The following CSNK1G3 variants were observed in gnomAD, a reference collection of about 807,000 sequenced individuals.
CSNK1G3 encodes the protein casein kinase I isoform gamma-3.
Under a neutral mutation model 64.3 loss-of-function variants are expected in CSNK1G3, and 23 were observed. The observed-to-expected ratio is 0.36, with a 90% CI of 0.26 to 0.51. CSNK1G3 has a LOEUF of 0.51. Ranked by LOEUF, CSNK1G3 falls within the 20% of genes least tolerant of loss-of-function variation. CSNK1G3 has a pLI of 0.96. For missense variants in CSNK1G3, 357 were observed against 510.5 expected (o/e 0.70, Z 2.90); for synonymous variants, 158 against 162.2 (o/e 0.97, Z 0.20).
intron 6 of CSNK1G3, among the ~76,000 whole-genome samples, chr5:123,576,957 C>A (rs527739157): frequency 1.3e-5 from 2 of 152,026 alleles, no homozygotes; most frequent in Admixed American, 1.3e-4. Flanking sequence ...AGAAGCTTTA[C>A]CTTCTCCCCC....
At chr5:123,545,743 G>A (rs1782419659) in exon 2 of CSNK1G3, 4 of 1,613,548 alleles carry the variant, frequency 2.5e-6, no homozygotes, top group South Asian at 1.1e-5. Flanking sequence ...CACAACACTC[G>A]AGGAACTGGG....
At chr5:123,578,699 T>C (rs1210664731) in intron 6 of CSNK1G3, among the ~76,000 whole-genome samples, 1 of 151,958 alleles carries the variant, frequency 6.6e-6, no homozygotes, top group African/African-American at 2.4e-5. Context: ...GGTAAACAAA[T>C]CTTTACCTTC....
At chr5:123,609,356 A>G (rs547521991) in intron 12 of CSNK1G3, among the ~76,000 whole-genome samples, 1 of 152,306 alleles carries the variant, frequency 6.6e-6, no homozygotes, top group South Asian at 2.1e-4. Flanking sequence ...AAAAATATAA[A>G]TTAAGTTTTC....
intron 12 of CSNK1G3, among the ~76,000 whole-genome samples, chr5:123,610,953 A>G (rs1327382593): frequency 2.6e-5 from 4 of 152,232 alleles, no homozygotes; most frequent in Non-Finnish European, 5.9e-5. Flanking sequence ...GTCCTTTATG[A>G]AGCTTAAATT....
intron 6 of CSNK1G3, among the ~76,000 whole-genome samples, chr5:123,577,231 G>A (rs1040059857): frequency 6.6e-6 from 1 of 151,910 alleles, no homozygotes; most frequent in African/African-American, 2.4e-5. Flanking sequence ...TTTTCTCCAA[G>A]AAGTTCTGAA....
At chr5:123,597,305 A>G (rs1053783302) in intron 10 of CSNK1G3, among the ~76,000 whole-genome samples, 2 of 152,146 alleles carry the variant, frequency 1.3e-5, no homozygotes, top group African/African-American at 2.4e-5. Context: ...TTAAAAAATT[A>G]TTCTTAATAA....
intron 12 of CSNK1G3, among the ~76,000 whole-genome samples, chr5:123,611,452 T>C (rs1374427770): frequency 1.3e-5 from 2 of 152,178 alleles, no homozygotes; most frequent in Non-Finnish European, 2.9e-5. Context: ...TCTTATTTAG[T>C]CTCAAATAAA....
chr5:123,571,673 T>C (rs976321231), intron 4 of CSNK1G3, among the ~76,000 whole-genome samples: 1 of 152,252 alleles, frequency 6.6e-6, no homozygotes, highest in Middle Eastern at 3.4e-3. Context: ...ATATTCAAAA[T>C]AATAGGGTAA....
chr5:123,592,653 G>A (rs1444991955), intron 10 of CSNK1G3, among the ~76,000 whole-genome samples: 4 of 151,502 alleles, frequency 2.6e-5, no homozygotes, highest in Non-Finnish European at 5.9e-5. Context: ...ATTAAAACAG[G>A]ATGACAATCA....
chr5:123,589,505 C>A (rs1165310564), intron 8 of CSNK1G3, among the ~76,000 whole-genome samples: 1 of 152,048 alleles, frequency 6.6e-6, no homozygotes, highest in African/African-American at 2.4e-5. Flanking sequence ...GAGTCACCAC[C>A]TAAAGAAGGT....
chr5:123,516,204 G>T (rs1777139831), intron 1 of CSNK1G3, among the ~76,000 whole-genome samples: 1 of 152,098 alleles, frequency 6.6e-6, no homozygotes, highest in African/African-American at 2.4e-5. Context: ...GGATCCTGTA[G>T]GTGCAGACAG....
At chr5:123,557,365 A>G in intron 3 of CSNK1G3, 130 bp from the exon 4 acceptor site, 1 of 639,908 alleles carries the variant, frequency 1.6e-6, no homozygotes, top group Non-Finnish European at 2.8e-6. Context: ...TATGAATCTA[A>G]TCTTAGACAA....
chr5:123,577,198 T>G (rs946907979), intron 6 of CSNK1G3, among the ~76,000 whole-genome samples: 1 of 152,070 alleles, frequency 6.6e-6, no homozygotes. Flanking sequence ...GTAGTTTCTC[T>G]TCTGCAGCCC....
chr5:123,595,725 G>A (rs927243739), intron 10 of CSNK1G3, among the ~76,000 whole-genome samples: 1 of 151,932 alleles, frequency 6.6e-6, no homozygotes, highest in East Asian at 1.9e-4. Flanking sequence ...TAAATTCAAA[G>A]CAGTCCCTTA....
intron 5 of CSNK1G3, among the ~76,000 whole-genome samples, chr5:123,574,254 T>C (rs973908394): frequency 8.5e-5 from 13 of 152,166 alleles, no homozygotes; most frequent in Non-Finnish European, 1.6e-4. Context: ...AGGGAATCCG[T>C]TGGATAACAA....
At chr5:123,558,633 A>G (rs930902836) in intron 4 of CSNK1G3, among the ~76,000 whole-genome samples, 1 of 152,178 alleles carries the variant, frequency 6.6e-6, no homozygotes, top group African/African-American at 2.4e-5. Context: ...TGTAGGGGCA[A>G]TAAGTTTTAA....
chr5:123,584,702 A>T (rs1425049601), intron 6 of CSNK1G3, among the ~76,000 whole-genome samples: 1 of 152,158 alleles, frequency 6.6e-6, no homozygotes, highest in Non-Finnish European at 1.5e-5. Context: ...TTCAGTAGCG[A>T]TGCTATCTGG....
chr5:123,603,150 T>G (rs557074995), intron 10 of CSNK1G3, among the ~76,000 whole-genome samples: 2 of 152,244 alleles, frequency 1.3e-5, no homozygotes, highest in Admixed American at 6.5e-5. Context: ...CTAGGAATCA[T>G]TAGTAACCTT....
At chr5:123,554,425 T>C (rs1436653230) in intron 3 of CSNK1G3, among the ~76,000 whole-genome samples, 2 of 152,172 alleles carry the variant, frequency 1.3e-5, no homozygotes, top group African/African-American at 2.4e-5. Flanking sequence ...ATGAGGTATT[T>C]TACAGGTCTA....
Sources: allele counts gnomAD v4.1 joint callset (sites outside exome capture counted in the v4.1 genomes callset), GRCh38; gene constraint gnomAD v4.1.1; transcripts MANE v1.5; gene names NCBI Gene and HGNC (gene_info 2026-07-23, HGNC 2026-07-21).